Variants in DOP1A observed in about 807,000 individuals in gnomAD.
DOP1A encodes the protein protein DOP1A.
DOP1A carries 90 observed loss-of-function variants against 267.6 expected under a neutral mutation model. That is an observed-to-expected ratio of 0.34 (90% CI 0.28 to 0.40). The LOEUF (loss-of-function observed/expected upper bound fraction) is 0.40, where lower values mean the gene tolerates loss of function less well. DOP1A is among the 10% of genes least tolerant of loss of function. The pLI is 1.00. For synonymous variants in DOP1A, 932 were observed against 999.1 expected, an observed-to-expected ratio of 0.93 and a Z score of 1.27; for missense variants, 2,437 against 2,900.4, an observed-to-expected ratio of 0.84 and a Z score of 3.67.
chr6:83,093,585 A>G (rs1355850063), intron 1 of DOP1A, among the ~76,000 whole-genome samples: 1 of 152,212 alleles, frequency 6.6e-6, no homozygotes, highest in Non-Finnish European at 1.5e-5. Flanking sequence ...TGATTCATAT[A>G]TTTTGAGTAT....
chr6:83,096,614 A>T (rs1450919992), intron 1 of DOP1A, 117 bp from the exon 2 acceptor site: 2 of 402,342 alleles, frequency 5.0e-6, no homozygotes, highest in Non-Finnish European at 8.7e-6. Flanking sequence ...ATATATCAGA[A>T]ATGTTACATA....
chr6:83,124,099 T>G (rs1776755648), intron 12 of DOP1A, among the ~76,000 whole-genome samples: 1 of 152,130 alleles, frequency 6.6e-6, no homozygotes, highest in African/African-American at 2.4e-5. Flanking sequence ...TTTATTTGTC[T>G]ACATGCTTAT....
At position 83,085,283 on chromosome 6, in the gene DOP1A, G is replaced by A. The variant is rs190378850; in HGVS notation, c.-146-11448G>A. Among the ~76,000 whole-genome samples, 8 of 152,334 alleles carry A rather than the reference G, an allele frequency of 5.3e-5. No homozygotes were observed. The East Asian group carries it at 1.2e-3, about 22-fold the overall frequency. ...CAGCCACTATTATGGGACTGCCGAT[G>A]CAGGTATGAACAACTAAGATAAGGC... On this transcript the variant is annotated intron_variant, in intron 1 of 38. Transcript: ENST00000349129.
Position 83,135,625 on chromosome 6 carries a change from G to A in DOP1A, c.2877G>A (p.Leu959=), listed in dbSNP as rs780524871. 9.9e-6 allele frequency: 16 copies of A among 1,612,514 alleles called. No homozygotes were observed. The highest frequency in any genetic ancestry group is 1.4e-5 in the Non-Finnish European group (16 of 1,178,934). The change falls in exon 20 of 39, where the codon CTG becomes CTA. Residue 959 remains leucine, a synonymous_variant. Transcript: ENST00000349129. The stretch of plus-strand genomic sequence containing the variant: ...TTATTTGTGTTTATTTTAGGTCACT[G>A]TTCATCATGTTAGATAGCCTTAACA... The part of the protein sequence containing the change: ...SSFVRSFDRS[L]FIMLDSLNSL...
At chr6:83,143,357 G>C (rs765449734) in intron 24 of DOP1A, among the ~76,000 whole-genome samples, 6 of 152,136 alleles carry the variant, frequency 3.9e-5, no homozygotes, top group African/African-American at 1.4e-4. Context: ...TTCACATAGA[G>C]CAATGCCTAG....
At position 83,140,371 on chromosome 6, in the gene DOP1A, T is replaced by C; in HGVS notation, c.5383T>C (p.Ser1795Pro). The change falls in exon 23 of 39, where the codon TCT becomes CCT. Residue 1795 changes from serine (S) to proline (P), a missense_variant. This residue lies in a region of DOP1A where 307 missense variants were observed against 308.6 expected (regional missense o/e 0.99). Transcript: ENST00000349129. ...AAAGATGACTATTGCCGCATCCGCATCTCTTACCACTATTAATCTTGGAGC... is the reference window on the plus strand; with the variant it reads ...AAAGATGACTATTGCCGCATCCGCACCTCTTACCACTATTAATCTTGGAGC... ...SEKMTIAASASLTTINLGATK... is the reference protein window; with the variant it reads ...SEKMTIAASAPLTTINLGATK... 6.2e-7 allele frequency: 1 copy of C among 1,611,824 alleles called. No individual in the cohort carries two copies. The highest frequency in any genetic ancestry group is 8.5e-7 in the Non-Finnish European group (1 of 1,179,520).
chr6:83,075,585 C>T (rs1766941703), intron 1 of DOP1A, among the ~76,000 whole-genome samples: 1 of 152,114 alleles, frequency 6.6e-6, no homozygotes, highest in South Asian at 2.1e-4. Context: ...TCAAAAAATG[C>T]ATTTAAAAAT....
In DOP1A at chr6:83,151,676, GCTGTTGCCAAAA is replaced by G; in HGVS notation, c.5904+23_5904+34del. 1 of 1,588,966 alleles carries G rather than the reference GCTGTTGCCAAAA, an allele frequency of 6.3e-7. No homozygotes were observed. Among genetic ancestry groups the G allele is most frequent in the South Asian group, 1.2e-5 (1 of 85,508 alleles). On this transcript the variant is annotated intron_variant, in intron 28 of 38. Coordinates refer to ENST00000349129, the MANE Select transcript of DOP1A (RefSeq NM_015018.4). ...GACCTTCAGGTAAGGCAGTCTAAGAGCTGTTGCCAAAACTGTTTCTCAGTGCCCTCAATTTGA... is the reference window on the plus strand; with the variant it reads ...GACCTTCAGGTAAGGCAGTCTAAGAGCTGTTTCTCAGTGCCCTCAATTTGA...
At chr6:83,088,652 C>A (rs1488501167) in intron 1 of DOP1A, among the ~76,000 whole-genome samples, 2 of 152,018 alleles carry the variant, frequency 1.3e-5, no homozygotes, top group Non-Finnish European at 2.9e-5. Flanking sequence ...GATCTCCTGA[C>A]CTCGTGATCT....
downstream of DOP1A, chr6:83,169,286 G>A: frequency 3.1e-6 from 5 of 1,613,782 alleles, no homozygotes; most frequent in Non-Finnish European, 3.4e-6. Context: ...CTGAAATACT[G>A]CCAAGCTCAC....
intron 1 of DOP1A, among the ~76,000 whole-genome samples, chr6:83,072,720 CTATTA>C (rs1785824083): frequency 6.6e-6 from 1 of 152,232 alleles, no homozygotes; most frequent in Non-Finnish European, 1.5e-5. Flanking sequence ...TTTGATTGTG[CTATTA>C]TATTATGAAA....
Position 83,159,815 on chromosome 6 carries a change from G to A in DOP1A, c.6817G>A (p.Ala2273Thr). Residue 2273 changes from alanine (A) to threonine (T), a missense_variant, in exon 37 of 39, where the codon GCT (alanine) becomes ACT (threonine). Ala to Thr is a moderately conservative substitution (Grantham distance 58). Transcript: ENST00000349129. ...TTACAGGACTTCAGGGCCCTCTGTG[G>A]CTGGTCTGGAGACAACGTACACAGG... is the stretch of plus-strand genomic sequence containing the variant. The part of the protein sequence containing the change: ...DISRTSGPSV[A>T]GLETTYTGGN... 3 of 1,614,138 alleles carry A rather than the reference G, an allele frequency of 1.9e-6. No homozygotes were observed. The highest frequency in any genetic ancestry group is 2.5e-6 in the Non-Finnish European group (3 of 1,180,040).
chr6:83,098,922 T>C (rs1772008114), intron 3 of DOP1A, among the ~76,000 whole-genome samples: 1 of 152,204 alleles, frequency 6.6e-6, no homozygotes, highest in African/African-American at 2.4e-5. Flanking sequence ...CATTCCTTCC[T>C]TCTGGGTATG....
At chr6:83,085,778 TTTATG>T (rs55657605) in intron 1 of DOP1A, among the ~76,000 whole-genome samples, 49,198 of 142,828 alleles carry the variant, frequency 0.34, 8,540 homozygotes, top group East Asian at 0.43. Context: ...TTTGCGGTAT[TTTATG>T]TTATGTTATG....
chr6:83,143,854 A>ATGTTTCCAGAT (rs1780032653), intron 24 of DOP1A, among the ~76,000 whole-genome samples: 1 of 152,212 alleles, frequency 6.6e-6, no homozygotes, highest in Non-Finnish European at 1.5e-5. Flanking sequence ...TGAAGTAAAT[A>ATGTTTCCAGAT]TGTTTCCAGA....
At chr6:83,143,687 AT>A (rs1228703232) in intron 24 of DOP1A, among the ~76,000 whole-genome samples, 2 of 152,228 alleles carry the variant, frequency 1.3e-5, no homozygotes, top group Non-Finnish European at 2.9e-5. Context: ...AAGTGGATAA[AT>A]ATCAGAAATG....
intron 6 of DOP1A, among the ~76,000 whole-genome samples, chr6:83,111,305 T>G (rs1408047439): frequency 6.6e-6 from 1 of 151,902 alleles, no homozygotes; most frequent in African/African-American, 2.4e-5. Flanking sequence ...CTATATTTTT[T>G]GGGTGTTAAA....
In DOP1A at chr6:83,137,913, G is replaced by C; in HGVS notation, c.3871G>C (p.Gly1291Arg). ...GAAGGAAACAATAGTTAAGGAGTCA[G>C]GTAAACAACCAGGAGCAAAACCTAA... ...SEKETIVKES[G>R]KQPGAKPKVK... The change falls in exon 21 of 39, where the codon GGT (glycine) becomes CGT (arginine). Residue 1291 changes from glycine (G) to arginine (R), a missense_variant. By Grantham distance (125) the Gly-to-Arg change is moderately radical. This residue lies in a region of DOP1A where 878 missense variants were observed against 992.9 expected (regional missense o/e 0.88). Coordinates refer to ENST00000349129, the MANE Select transcript of DOP1A (RefSeq NM_015018.4). The C allele has an allele frequency of 6.2e-7, 1 of 1,610,664 alleles. No homozygotes were observed. Among genetic ancestry groups the C allele is most frequent in the Non-Finnish European group, 8.5e-7 (1 of 1,179,010 alleles).
intron 7 of DOP1A, among the ~76,000 whole-genome samples, chr6:83,115,142 C>A (rs1775206374): frequency 6.6e-6 from 1 of 152,128 alleles, no homozygotes; most frequent in South Asian, 2.1e-4. Flanking sequence ...AACTTGTTTC[C>A]TGGAAAGCTC....
Sources: allele counts gnomAD v4.1 joint callset (sites outside exome capture counted in the v4.1 genomes callset), GRCh38; gene constraint gnomAD v4.1.1; regional missense constraint gnomAD v4.1.1; transcripts MANE v1.5; gene names NCBI Gene and HGNC (gene_info 2026-07-23, HGNC 2026-07-21).